The following GFI1B variants were observed in gnomAD, a reference collection of about 807,000 sequenced individuals.
GFI1B encodes growth factor independent 1B transcriptional repressor.
In GFI1B, 20 loss-of-function variants were observed where a neutral mutation model predicts 35.3. That is an observed-to-expected ratio of 0.57 (90% CI 0.40 to 0.82). GFI1B has a LOEUF of 0.82. Ranked by LOEUF, GFI1B falls within the 40% of genes least tolerant of loss-of-function variation. The pLI is 0.00. For missense variants in GFI1B, 430 were observed against 446.3 expected (o/e 0.96, Z 0.33); for synonymous variants, 178 against 177.6 (o/e 1.00, Z -0.02).
intron 1 of GFI1B, chr9:132,952,363 TG>T (rs1251973610): frequency 2.0e-5 from 3 of 152,206 alleles, no homozygotes; most frequent in Non-Finnish European, 4.4e-5. Context: ...TTGTCCAGGC[TG>T]GAGTATAGTG....
In GFI1B at chr9:132,981,733, C is replaced by T. The variant is rs117115805; in HGVS notation, c.-21+2892C>T. Among the ~76,000 whole-genome samples the T allele has an allele frequency of 6.7e-3, 1,026 of 152,010 alleles. 20 individuals carry two copies. The highest frequency in any genetic ancestry group is 0.058 in the East Asian group (300 of 5,178). On this transcript the variant is annotated intron_variant, in intron 1 of 6. Coordinates refer to ENST00000372122, the MANE Select transcript of GFI1B (RefSeq NM_001377304.1). Reference sequence around the variant, plus strand: ...GGCTCATTTTCCCCCGACTCCTCCACGGACAAGTCTTGTTTTCCCCTTGAA... The same window carrying T: ...GGCTCATTTTCCCCCGACTCCTCCATGGACAAGTCTTGTTTTCCCCTTGAA...
Position 132,962,547 on chromosome 9 carries a change from C to G in GFI1B, c.-700-10178C>G, listed in dbSNP as rs1009836741. On this transcript the variant is annotated intron_variant, in intron 1 of 10. Coordinates refer to the GFI1B transcript ENST00000339463. ...CAAGACTTTGAGGATTAAGTGATTC[C>G]TGGCCAAGAAACAAAAGCAAAAATC... is the stretch of plus-strand genomic sequence containing the variant. The G allele has an allele frequency of 8.1e-6, 4 of 493,710 alleles. No homozygotes were observed. In the African/African-American group the frequency reaches 1.0e-4, roughly 13 times the overall value. 30.6% of individuals were successfully genotyped at this position (493,710 alleles called of 1,614,324 possible). A position where few individuals can be genotyped will look rare whatever the true frequency, so the allele number is the denominator to read the frequency against.
chr9:132,950,205 G>T (rs918333183), intron 1 of GFI1B, among the ~76,000 whole-genome samples: 12 of 152,128 alleles, frequency 7.9e-5, no homozygotes, highest in African/African-American at 2.9e-4. Flanking sequence ...CCACCATCGA[G>T]GCTGGAGATG....
In GFI1B at chr9:132,986,723, C is replaced by T. The variant is rs369193177; in HGVS notation, c.45C>T (p.Tyr15=). The T allele has an allele frequency of 1.2e-6, 2 of 1,613,096 alleles. No homozygotes were observed. Among genetic ancestry groups the T allele is most frequent in the African/African-American group, 2.7e-5 (2 of 75,044 alleles). ...TGAAGAGCAAGAAGGCTCACACCTA[C>T]CACCAGCCCCGTGTGCAGGAAGATG... ...FLVKSKKAHT[Y]HQPRVQEDEP... is the part of the protein sequence containing the mutation. The change falls in exon 2 of 7, where the codon TAC becomes TAT. Residue 15 remains tyrosine (Y), a synonymous_variant. Coordinates refer to ENST00000372122, the MANE Select transcript of GFI1B (RefSeq NM_001377304.1).
intron 1 of GFI1B, among the ~76,000 whole-genome samples, chr9:132,969,649 T>C (rs904351684): frequency 1.3e-5 from 2 of 152,172 alleles, no homozygotes; most frequent in African/African-American, 2.4e-5. Flanking sequence ...TCTATACCCG[T>C]GCGTGGGATT....
chr9:132,985,545 T>C (rs1349135508), intron 1 of GFI1B, among the ~76,000 whole-genome samples: 2 of 152,128 alleles, frequency 1.3e-5, no homozygotes, highest in Non-Finnish European at 2.9e-5. Context: ...CCTGTCTCTC[T>C]AGGGAACAGA....
intron 1 of GFI1B, among the ~76,000 whole-genome samples, chr9:132,953,991 C>T (rs554290867): frequency 6.6e-6 from 1 of 152,166 alleles, no homozygotes; most frequent in Non-Finnish European, 1.5e-5. Context: ...TTTCCTGCCC[C>T]CTGTTTTTTG....
chr9:132,990,954 A>G lies in GFI1B; in HGVS notation c.897A>G (p.Thr299=), dbSNP rs143454296. The change falls in exon 7 of 7, where the codon ACA becomes ACG. Residue 299 remains threonine, a synonymous_variant. Coordinates refer to ENST00000372122, the MANE Select transcript of GFI1B (RefSeq NM_001377304.1). The part of the protein sequence containing the change: ...SNLITHSRKH[T]GFKPFSCELC... ...TCATCACCCACAGCCGCAAGCACAC[A>G]GGCTTCAAGCCCTTCAGCTGTGAGC... 1,512 of 1,614,210 alleles carry G rather than the reference A, an allele frequency of 9.4e-4. 2 individuals carry two copies. The highest frequency in any genetic ancestry group is 1.2e-3 in the Non-Finnish European group (1,445 of 1,179,998).
chr9:132,982,363 C>T (rs1032805961), intron 1 of GFI1B, among the ~76,000 whole-genome samples: 2 of 152,182 alleles, frequency 1.3e-5, no homozygotes, highest in Non-Finnish European at 2.9e-5. Flanking sequence ...AACAAAGGGG[C>T]CTCATTACAG....
rs1225671454 is a variant in GFI1B, at chr9:132,991,145, TG to T, written c.*98del. 2.6e-6 allele frequency: 3 copies of T among 1,161,468 alleles called. No homozygotes were observed. In the East Asian group the frequency reaches 7.3e-5, roughly 28 times the overall value. The allele number at this position is 1,161,468 out of a possible 1,614,324, so 71.9% of individuals were successfully genotyped here. A position where few individuals can be genotyped will look rare whatever the true frequency, so the allele number is the denominator to read the frequency against. ...GCCCAAATCTCCAGTCTCCTGGAGG[TG>T]GGACTGGACAGGAGTCTACCAGCTT... On this transcript the variant is annotated 3_prime_UTR_variant, in exon 7 of 7. Transcript: ENST00000372122.
At chr9:132,987,686 G>A (rs1038876541) in intron 3 of GFI1B, among the ~76,000 whole-genome samples, 4 of 152,104 alleles carry the variant, frequency 2.6e-5, no homozygotes, top group Admixed American at 6.5e-5. Flanking sequence ...GTGAGGCTGG[G>A]GGTGTCTCTG....
In GFI1B at chr9:132,989,730, T is replaced by C. The variant is rs952773206; in HGVS notation, c.649-12T>C. ...TGCACCTGACCCCCCGGGGCCTCAT[T>C]TCCTCCGGCAGGAGCGCAGCTTCGA... On this transcript the variant is annotated splice_polypyrimidine_tract_variant and intron_variant, in intron 5 of 6. Transcript: ENST00000372122. The surrounding 1 kb of genome is among the most constrained non-coding windows in gnomAD (Gnocchi z 6.2). The C allele has an allele frequency of 6.2e-7, 1 of 1,613,090 alleles. No homozygotes were observed. The highest frequency in any genetic ancestry group is 8.5e-7 in the Non-Finnish European group (1 of 1,179,278).
downstream of GFI1B, among the ~76,000 whole-genome samples, chr9:132,993,046 C>T (rs1849329032): frequency 6.6e-6 from 1 of 152,036 alleles, no homozygotes. Flanking sequence ...GTAATCCCAG[C>T]ACTTTAGGAG....
At chr9:132,985,045 C>G (rs865813033) in intron 1 of GFI1B, among the ~76,000 whole-genome samples, 1 of 147,840 alleles carries the variant, frequency 6.8e-6, no homozygotes, top group African/African-American at 2.5e-5. Context: ...ACCCCTGCAG[C>G]CTTGCATGGC....
intron 2 of GFI1B, 64 bp downstream of exon 2, chr9:132,986,842 G>T (rs746101008): frequency 1.0e-6 from 1 of 977,246 alleles, no homozygotes. Context: ...TGCGTGATGA[G>T]GGTGCAGCAG....
chr9:132,987,310 C>T lies in GFI1B; in HGVS notation c.129C>T (p.Ser43=), dbSNP rs772318716. 2 of 1,614,156 alleles carry T rather than the reference C, an allele frequency of 1.2e-6. No homozygotes were observed. Among genetic ancestry groups the T allele is most frequent in the Non-Finnish European group, 1.7e-6 (2 of 1,179,986 alleles). ...PVPRDQAPSN[S]PVLSTLFPNQ... ...CCAGAGACCAGGCTCCAAGCAACAG[C>T]CCTGTCCTTAGCACTCTATTCCCAA... Residue 43 remains serine (S), a synonymous_variant, in exon 3 of 7, where the codon AGC becomes AGT. Transcript: ENST00000372122.
chr9:132,974,601 CAAAAAA>C (rs11243966), upstream of GFI1B, among the ~76,000 whole-genome samples: 39 of 79,850 alleles, frequency 4.9e-4, no homozygotes, highest in East Asian at 9.5e-3. Context: ...GAATCCGTCT[CAAAAAA>C]AAAAAAAAAA....
Position 132,989,851 on chromosome 9 carries a change from G to A in GFI1B, c.758G>A (p.Cys253Tyr), listed in dbSNP as rs1849225412. 10 of 1,614,236 alleles carry A rather than the reference G, an allele frequency of 6.2e-6. No homozygotes were observed. The highest frequency in any genetic ancestry group is 1.3e-5 in the African/African-American group (1 of 75,060). ...SDTRPYPCQF[C>Y]GKRFHQKSDM... ...ACGCGGCCCTACCCCTGCCAGTTCTGCGGCAAGCGTTTCCACCAGAAGTCC... is the reference window on the plus strand; with the variant it reads ...ACGCGGCCCTACCCCTGCCAGTTCTACGGCAAGCGTTTCCACCAGAAGTCC... Residue 253 changes from cysteine to tyrosine, a missense_variant, in exon 6 of 7, where the codon TGC (cysteine) becomes TAC (tyrosine). Physicochemically the swap from Cys to Tyr is radical, Grantham distance 194. Transcript: ENST00000372122. This position sits in a 1 kb window ranked among gnomAD's most constrained non-coding sequence, Gnocchi z 6.2.
At position 132,986,730 on chromosome 9, in the gene GFI1B, C is replaced by T. The variant is rs1292353837; in HGVS notation, c.52C>T (p.Pro18Ser). Residue 18 changes from proline to serine, a missense_variant, in exon 2 of 7, where the codon CCC (proline) becomes TCC (serine). Coordinates refer to ENST00000372122, the MANE Select transcript of GFI1B (RefSeq NM_001377304.1). ...KSKKAHTYHQ[P>S]RVQEDEPLWP... ...CAAGAAGGCTCACACCTACCACCAG[C>T]CCCGTGTGCAGGAAGATGAACCGCT... 2 of 1,613,102 alleles carry T rather than the reference C, an allele frequency of 1.2e-6. No individual in the cohort carries two copies. Among genetic ancestry groups the T allele is most frequent in the Non-Finnish European group, 1.7e-6 (2 of 1,179,540 alleles).
Sources: allele counts gnomAD v4.1 joint callset (sites outside exome capture counted in the v4.1 genomes callset), GRCh38; gene constraint gnomAD v4.1.1; non-coding constraint Gnocchi (gnomAD v3.1); transcripts MANE v1.5; gene names NCBI Gene and HGNC (gene_info 2026-07-23, HGNC 2026-07-21).